Variants in CACNA1C observed in about 807,000 individuals in gnomAD.
CACNA1C encodes calcium voltage-gated channel subunit alpha1 C.
In CACNA1C, 30 loss-of-function variants were observed where a neutral mutation model predicts 229.0. The observed-to-expected ratio is 0.13, with a 90% CI of 0.10 to 0.18. The LOEUF (loss-of-function observed/expected upper bound fraction) is 0.18. Ranked by LOEUF, CACNA1C falls within the 10% of genes least tolerant of loss-of-function variation. CACNA1C has a pLI of 1.00. For synonymous variants in CACNA1C, 1,114 were observed against 1,132.5 expected (o/e 0.98, Z 0.33); for missense variants, 1,658 against 2,845.0 (o/e 0.58, Z 9.49).
In CACNA1C at chr12:2,106,916, G is replaced by A. The variant is rs35147101; in HGVS notation, c.50-8308G>A. On this transcript the variant is annotated intron_variant, in intron 1 of 46. Transcript: ENST00000399655. ...TGAAGCCACTGGGCGCCCACCCCGGGGAGGGTTTCCACCTCAGCTGGGGCG... is the reference window on the plus strand; with the variant it reads ...TGAAGCCACTGGGCGCCCACCCCGGAGAGGGTTTCCACCTCAGCTGGGGCG... Among the ~76,000 whole-genome samples, 17 of 29,202 alleles carry A rather than the reference G, an allele frequency of 5.8e-4. 1 individual carries two copies. The highest frequency in any genetic ancestry group is 1.3e-3 in the East Asian group (1 of 786). The allele number at this position is 29,202 out of a possible 152,430, so 19.2% of individuals were successfully genotyped here. A position where few individuals can be genotyped will look rare whatever the true frequency, so the allele number is the denominator to read the frequency against.
rs373687005 is a variant in CACNA1C, at chr12:2,115,256, G to A, written c.82G>A (p.Ala28Thr). ...CTATGGGAGCCCACGCCCCGCCCAT[G>A]CCAACATGAATGCCAATGCGGCAGC... ...SNYGSPRPAH[A>T]NMNANAAAGL... The change falls in exon 2 of 47, where the codon GCC (alanine) becomes ACC (threonine). Residue 28 changes from alanine to threonine, a missense_variant. Ala to Thr is a moderately conservative substitution (Grantham distance 58). Transcript: ENST00000399655. 43 of 1,590,356 alleles carry A rather than the reference G, an allele frequency of 2.7e-5. No individual in the cohort carries two copies. The highest frequency in any genetic ancestry group is 3.5e-5 in the Non-Finnish European group (41 of 1,167,108).
chr12:2,520,167 G>T (rs111741602), intron 9 of CACNA1C, among the ~76,000 whole-genome samples: 1 of 141,592 alleles, frequency 7.1e-6, no homozygotes, highest in Non-Finnish European at 1.5e-5. Flanking sequence ...GTGTGCTTCA[G>T]AGGAGGGAAG....
chr12:2,521,545 C>G (rs769643089), intron 9 of CACNA1C, among the ~76,000 whole-genome samples: 1 of 152,164 alleles, frequency 6.6e-6, no homozygotes, highest in Non-Finnish European at 1.5e-5. Context: ...CGCCAGGGTC[C>G]CAGCCCAAAC....
In CACNA1C at chr12:2,597,641, C is replaced by A; in HGVS notation, c.2853+352C>A. 1 of 694,934 alleles carries A rather than the reference C, an allele frequency of 1.4e-6. No homozygotes were observed. Among genetic ancestry groups the A allele is most frequent in the Non-Finnish European group, 2.5e-6 (1 of 393,768 alleles). The allele number at this position is 694,934 out of a possible 1,614,324, so 43.0% of individuals were successfully genotyped here. A position where few individuals can be genotyped will look rare whatever the true frequency, so the allele number is the denominator to read the frequency against. ...AAATTGGAAAAATGAGTGCCCCTCA[C>A]TTTGTGTGATGCACTTTGCCCAGAC... On this transcript the variant is annotated intron_variant, in intron 21 of 46. Transcript: ENST00000399655. The surrounding 1 kb of genome is among the most constrained non-coding windows in gnomAD (Gnocchi z 4.3).
intron 3 of CACNA1C, among the ~76,000 whole-genome samples, chr12:2,277,749 C>T (rs1222750313): frequency 2.0e-5 from 3 of 152,206 alleles, no homozygotes; most frequent in Non-Finnish European, 4.4e-5. Context: ...CAGGAGATGG[C>T]TCCTGTCCTC....
chr12:2,004,462 C>T (rs200322039), intron 1 of CACNA1C: 1 of 1,585,458 alleles, frequency 6.3e-7, no homozygotes, highest in Middle Eastern at 2.2e-4. Flanking sequence ...AGGCACGGGG[C>T]TCTTGGAAGC....
rs547877544 is a variant in CACNA1C at position 2,692,086 on chromosome 12, G to T, written c.*887G>T. On this transcript the variant is annotated 3_prime_UTR_variant, in exon 47 of 47. Coordinates refer to ENST00000399655, the MANE Select transcript of CACNA1C (RefSeq NM_000719.7). ...AATGTACATCGGGTTTGGTTTTCTT[G>T]TATTATTTAAACGGTTGTGGTTTCC... 1 of 152,288 alleles carries T rather than the reference G, an allele frequency of 6.6e-6. No individual in the cohort carries two copies. Among genetic ancestry groups the T allele is most frequent in the East Asian group, 1.9e-4 (1 of 5,184 alleles). 9.4% of individuals were successfully genotyped at this position (152,288 alleles called of 1,614,324 possible).
At chr12:2,519,341 C>T (rs1016603854) in intron 9 of CACNA1C, among the ~76,000 whole-genome samples, 1 of 152,232 alleles carries the variant, frequency 6.6e-6, no homozygotes, top group Admixed American at 6.5e-5. Context: ...TGGCAAAGCA[C>T]CTTCTGCCAT....
At chr12:2,688,967 A>C (rs936485349) in intron 46 of CACNA1C, among the ~76,000 whole-genome samples, 188 bp downstream of exon 46, 13 of 152,178 alleles carry the variant, frequency 8.5e-5, no homozygotes, top group African/African-American at 3.1e-4. Flanking sequence ...ACAAGATGCT[A>C]TGGGCTCTCT....
intron 30 of CACNA1C, among the ~76,000 whole-genome samples, chr12:2,643,262 G>A (rs762262261): frequency 2.1e-4 from 32 of 152,302 alleles, no homozygotes; most frequent in Admixed American, 1.1e-3. Flanking sequence ...TGGGGGTGGT[G>A]GCCCGGGACA....
chr12:2,504,574 C>A lies in CACNA1C; in HGVS notation c.1114-268C>A. 1 of 1,289,334 alleles carries A rather than the reference C, an allele frequency of 7.8e-7. No homozygotes were observed. The highest frequency in any genetic ancestry group is 1.1e-6 in the Non-Finnish European group (1 of 884,030). The allele number at this position is 1,289,334 out of a possible 1,614,324, so 79.9% of individuals were successfully genotyped here. ...CCGTTTCTATGTCCTCTCCACAACG[C>A]AGCCGAGCAAGGTCTCAGGTTCCAC... On this transcript the variant is annotated intron_variant, in intron 7 of 46. Transcript: ENST00000399655. This position sits in a 1 kb window ranked among gnomAD's most constrained non-coding sequence, Gnocchi z 6.8.
chr12:2,308,932 A>T (rs1490928792), intron 3 of CACNA1C, among the ~76,000 whole-genome samples: 1 of 152,168 alleles, frequency 6.6e-6, no homozygotes, highest in Non-Finnish European at 1.5e-5. Context: ...AACAACATGG[A>T]GGCTCCTCAA....
At chr12:2,251,132 GTCATC>G (rs1555364633) in intron 3 of CACNA1C, among the ~76,000 whole-genome samples, 1 of 152,236 alleles carries the variant, frequency 6.6e-6, no homozygotes, top group Non-Finnish European at 1.5e-5. Flanking sequence ...TTTAGTTTCT[GTCATC>G]AGTATCTGGG....
intron 3 of CACNA1C, among the ~76,000 whole-genome samples, chr12:2,421,090 A>G (rs900396175): frequency 6.6e-6 from 1 of 152,224 alleles, no homozygotes; most frequent in Non-Finnish European, 1.5e-5. Flanking sequence ...TTGCTGTTAC[A>G]TAAAGTTTTC....
chr12:1,997,855 G>T, intron 1 of CACNA1C: 2 of 1,119,352 alleles, frequency 1.8e-6, no homozygotes, highest in South Asian at 1.4e-5. Context: ...AAAACTGCAT[G>T]CACTTGAAGA....
At position 2,608,749 on chromosome 12, in the gene CACNA1C, C is replaced by T. The variant is rs1187306170; in HGVS notation, c.3558+37C>T. Reference sequence around the variant, plus strand: ...GGAAGGAGCGGAGGGAAGCGGGGCCCACGGAGGGAATGGCAGCCTGCGGCC... The same window carrying T: ...GGAAGGAGCGGAGGGAAGCGGGGCCTACGGAGGGAATGGCAGCCTGCGGCC... On this transcript the variant is annotated intron_variant, in intron 27 of 46. Coordinates refer to ENST00000399655, the MANE Select transcript of CACNA1C (RefSeq NM_000719.7). This position sits in a 1 kb window ranked among gnomAD's most constrained non-coding sequence, Gnocchi z 4.2. The T allele has an allele frequency of 2.4e-5, 38 of 1,607,298 alleles. No individual in the cohort carries two copies. The highest frequency in any genetic ancestry group is 3.2e-5 in the Non-Finnish European group (38 of 1,175,912).
intron 1 of CACNA1C, among the ~76,000 whole-genome samples, chr12:1,977,626 T>C (rs532476061): frequency 1.3e-5 from 2 of 152,244 alleles, no homozygotes; most frequent in African/African-American, 2.4e-5. Context: ...ATATAAGATA[T>C]GGTCTTTGCC....
rs900659165 is a variant in CACNA1C at position 2,601,656 on chromosome 12, CGA to C, written c.2854-194_2854-193del. 2.0e-5 allele frequency among the ~76,000 whole-genome samples: 3 copies of C among 152,278 alleles called. No individual in the cohort carries two copies. Among genetic ancestry groups the C allele is most frequent in the Admixed American group, 2.0e-4 (3 of 15,300 alleles). On this transcript the variant is annotated intron_variant, in intron 21 of 46. Transcript: ENST00000399655. The surrounding 1 kb of genome is among the most constrained non-coding windows in gnomAD (Gnocchi z 5.9). ...GGAGCCACCCAGCAGTCCTGGGCTG[CGA>C]GAGTCTTGGGTGGTTGTGTGCATGG...
At chr12:2,096,678 A>G (rs1338268229) in intron 1 of CACNA1C, among the ~76,000 whole-genome samples, 1 of 152,228 alleles carries the variant, frequency 6.6e-6, no homozygotes, top group African/African-American at 2.4e-5. Context: ...ACCATCAAGC[A>G]CTATCTGTCT....
Sources: allele counts gnomAD v4.1 joint callset (sites outside exome capture counted in the v4.1 genomes callset), GRCh38; gene constraint gnomAD v4.1.1; non-coding constraint Gnocchi (gnomAD v3.1); transcripts MANE v1.5; gene names NCBI Gene and HGNC (gene_info 2026-07-23, HGNC 2026-07-21).